ZNF208: variants seen among roughly 807,000 people sequenced by gnomAD.
The protein encoded by ZNF208 is zinc finger protein 208.
A neutral mutation model predicts 12.1 loss-of-function variants in ZNF208; 10 were observed. The observed-to-expected ratio is 0.83, with a 90% CI of 0.51 to 1.40. The LOEUF (loss-of-function observed/expected upper bound fraction) is 1.40. Ranked by LOEUF, ZNF208 falls within the 40% of genes most tolerant of loss-of-function variation. ZNF208 has a pLI of 0.00. For synonymous variants in ZNF208, 497 were observed against 488.4 expected (o/e 1.02, Z -0.23); for missense variants, 1,652 against 1,485.0 (o/e 1.11, Z -1.85).
At chr19:21,989,341 G>A (rs1023255403) in intron 1 of ZNF208, among the ~76,000 whole-genome samples, 7 of 147,578 alleles carry the variant, frequency 4.7e-5, no homozygotes, top group African/African-American at 1.0e-4. Context: ...TGCGGTGTTT[G>A]GTTTTTTGTC....
At chr19:22,004,449 G>A (rs182171406) in intron 1 of ZNF208, among the ~76,000 whole-genome samples, 5 of 152,040 alleles carry the variant, frequency 3.3e-5, no homozygotes, top group Non-Finnish European at 7.4e-5. Flanking sequence ...GGAGGTAGAG[G>A]TTGCAATGCG....
At chr19:22,003,809 C>A (rs541422736) in intron 1 of ZNF208, among the ~76,000 whole-genome samples, 20 of 152,160 alleles carry the variant, frequency 1.3e-4, no homozygotes, top group Non-Finnish European at 2.8e-4. Flanking sequence ...ACGTTCATTG[C>A]AGCACTATTC....
intron 1 of ZNF208, among the ~76,000 whole-genome samples, chr19:22,002,697 T>C (rs1246754987): frequency 6.6e-6 from 1 of 152,026 alleles, no homozygotes; most frequent in Non-Finnish European, 1.5e-5. Flanking sequence ...AAGCCAGAGA[T>C]GACACAAACA....
intron 3 of ZNF208, among the ~76,000 whole-genome samples, chr19:21,979,261 C>T (rs928018890): frequency 7.2e-5 from 11 of 152,086 alleles, no homozygotes; most frequent in Non-Finnish European, 8.8e-5. Context: ...AGAGCAACCC[C>T]AAGACACAGA....
intron 1 of ZNF208, among the ~76,000 whole-genome samples, chr19:22,001,016 C>T (rs768239690): frequency 5.3e-5 from 8 of 152,054 alleles, no homozygotes; most frequent in East Asian, 1.9e-4. Flanking sequence ...GGGCTGAGTG[C>T]GGTGGCTCAC....
Position 21,974,774 on chromosome 19 carries a change from G to C in ZNF208, c.260C>G (p.Pro87Arg), listed in dbSNP as rs1970397621. The change falls in exon 4 of 4, where the codon CCA becomes CGA. Residue 87 changes from proline (P) to arginine (R), a missense_variant. By Grantham distance (103) the Pro-to-Arg change is moderately radical. Around this residue, in one of 3 missense-constraint regions of ZNF208, gnomAD observed 410 missense variants for 378.2 expected, o/e 1.08. Transcript: ENST00000397126. ...GAAAGAATCTTCTATGCCCTGCTCT[G>C]GCCAAAGATCTTGAGCAAAATGAGA... ...ICSHFAQDLW[P>R]EQGIEDSFQK... 6 of 1,576,030 alleles carry C rather than the reference G, an allele frequency of 3.8e-6. No individual in the cohort carries two copies. The highest frequency in any genetic ancestry group is 5.2e-6 in the Non-Finnish European group (6 of 1,164,334).
chr19:22,004,388 C>T (rs543973748), intron 1 of ZNF208, among the ~76,000 whole-genome samples: 6 of 151,750 alleles, frequency 4.0e-5, no homozygotes, highest in East Asian at 3.9e-4. Flanking sequence ...TGGTGGCACA[C>T]GCCTGTAATC....
intron 3 of ZNF208, among the ~76,000 whole-genome samples, chr19:21,977,333 C>T (rs913853647): frequency 7.2e-5 from 11 of 152,190 alleles, no homozygotes; most frequent in Non-Finnish European, 1.0e-4. Flanking sequence ...CCAGCGCGAT[C>T]GACACAGAAG....
chr19:21,966,855 C>A lies in ZNF208; in HGVS notation c.*4336G>T, dbSNP rs531330601. ...TTTACATCTTTCTGATAATTAGGAA[C>A]GTTGAGCAATTTTTACATGTTTATT... is the stretch of plus-strand genomic sequence containing the variant. On this transcript the variant is annotated 3_prime_UTR_variant, in exon 4 of 4. Coordinates refer to ENST00000397126, the MANE Select transcript of ZNF208 (RefSeq NM_007153.3). 1.1e-4 allele frequency: 17 copies of A among 152,066 alleles called. No homozygotes were observed. Among genetic ancestry groups the A allele is most frequent in the African/African-American group, 3.9e-4 (16 of 41,428 alleles). The allele number at this position is 152,066 out of a possible 1,614,324, so 9.4% of individuals were successfully genotyped here.
intron 3 of ZNF208, among the ~76,000 whole-genome samples, chr19:21,977,571 T>G (rs993685196): frequency 6.6e-6 from 1 of 152,182 alleles, no homozygotes; most frequent in Non-Finnish European, 1.5e-5. Context: ...TCCCATGGTC[T>G]TCGCAGCCTG....
intron 1 of ZNF208, among the ~76,000 whole-genome samples, chr19:21,994,358 A>G (rs374918346): frequency 2.6e-5 from 4 of 152,296 alleles, no homozygotes; most frequent in East Asian, 3.9e-4. Context: ...GTTGAACACC[A>G]GCTCTAAAAA....
intron 4 of ZNF208, among the ~76,000 whole-genome samples, chr19:21,945,853 C>T (rs75167249): frequency 0.16 from 24,464 of 151,802 alleles, 2,145 homozygotes; most frequent in Middle Eastern, 0.2. Context: ...TTATGGAGAG[C>T]CCCCAACCCC....
chr19:21,961,682 T>G (rs1970073438), downstream of ZNF208, among the ~76,000 whole-genome samples: 1 of 152,088 alleles, frequency 6.6e-6, no homozygotes, highest in Admixed American at 6.6e-5. Context: ...CCCTGAGGAA[T>G]GCATTTCTTT....
At chr19:21,959,405 T>G (rs1400580807) in intron 4 of ZNF208, among the ~76,000 whole-genome samples, 2 of 152,160 alleles carry the variant, frequency 1.3e-5, no homozygotes, top group Non-Finnish European at 2.9e-5. Context: ...AAAATTAACT[T>G]ATTTTATTAG....
rs1009978124 is a variant in ZNF208 at position 21,972,534 on chromosome 19, T to C, written c.2500A>G (p.Lys834Glu). 8 of 1,613,226 alleles carry C rather than the reference T, an allele frequency of 5.0e-6. No individual in the cohort carries two copies. The highest frequency in any genetic ancestry group is 6.8e-6 in the Non-Finnish European group (8 of 1,179,836). The change falls in exon 4 of 4, where the codon AAA (lysine) becomes GAA (glutamate). Residue 834 changes from lysine (K) to glutamate (E), a missense_variant. Lys to Glu is a moderately conservative substitution (Grantham distance 56, BLOSUM62 1). Around this residue, in one of 3 missense-constraint regions of ZNF208, gnomAD observed 1,239 missense variants for 1,086.2 expected, o/e 1.14. Transcript: ENST00000397126. ...AAGGCTTTGCCACATTCTTTACATTTGTAGGGCTTTTCTCCAGCATGAATT... is the reference window on the plus strand; with the variant it reads ...AAGGCTTTGCCACATTCTTTACATTCGTAGGGCTTTTCTCCAGCATGAATT... ...KAIHAGEKPY[K>E]CKECGKAFSK...
At chr19:21,949,513 A>T (rs1455233931) in intron 4 of ZNF208, among the ~76,000 whole-genome samples, 1 of 152,160 alleles carries the variant, frequency 6.6e-6, no homozygotes, top group Non-Finnish European at 1.5e-5. Context: ...GGAATGTTAA[A>T]ATAGCCAATC....
At chr19:21,983,897 G>A (rs1701017534) in intron 3 of ZNF208, among the ~76,000 whole-genome samples, 1 of 152,088 alleles carries the variant, frequency 6.6e-6, no homozygotes, top group Admixed American at 6.6e-5. Flanking sequence ...AATACCTAAT[G>A]TAGATAACGA....
At chr19:21,943,208 GTT>G (rs1313544621) in intron 4 of ZNF208, among the ~76,000 whole-genome samples, 1 of 152,160 alleles carries the variant, frequency 6.6e-6, no homozygotes, top group Non-Finnish European at 1.5e-5. Flanking sequence ...CACTTTCAAT[GTT>G]TGAGTATTTG....
rs1399912839 is a variant in ZNF208 at position 21,971,966 on chromosome 19, T to A, written c.3068A>T (p.His1023Leu). ...SSNLMEHKKI[H>L]TGETPYKCEE... The stretch of plus-strand genomic sequence containing the variant: ...ACATTTGTAGGGTGTCTCTCCAGTG[T>A]GAATTTTCTTATGTTCCATAAGGTT... Residue 1023 changes from histidine to leucine, a missense_variant, in exon 4 of 4, where the codon CAC becomes CTC. Around this residue, in one of 3 missense-constraint regions of ZNF208, gnomAD observed 1,239 missense variants for 1,086.2 expected, o/e 1.14. Transcript: ENST00000397126. 6.3e-7 allele frequency: 1 copy of A among 1,576,384 alleles called. No homozygotes were observed. The highest frequency in any genetic ancestry group is 2.5e-5 in the East Asian group (1 of 40,412).
Sources: allele counts gnomAD v4.1 joint callset (sites outside exome capture counted in the v4.1 genomes callset), GRCh38; gene constraint gnomAD v4.1.1; regional missense constraint gnomAD v4.1.1; transcripts MANE v1.5; gene names NCBI Gene and HGNC (gene_info 2026-07-23, HGNC 2026-07-21).